Variants in AADAT observed in about 807,000 individuals in gnomAD.
AADAT encodes kynurenine/alpha-aminoadipate aminotransferase, mitochondrial.
Under a neutral mutation model 56.2 loss-of-function variants are expected in AADAT, and 25 were observed. The ratio of observed to expected loss-of-function variants is 0.44; its 90% CI spans 0.32 to 0.62. The LOEUF is 0.62. AADAT is among the 20% of genes least tolerant of loss of function. The pLI, the probability that AADAT is intolerant of heterozygous loss-of-function variation, is 0.04. For missense variants in AADAT, 387 were observed against 510.5 expected, an observed-to-expected ratio of 0.76 and a Z score of 2.33; for synonymous variants, 173 against 164.7, an observed-to-expected ratio of 1.05 and a Z score of -0.39.
rs965144246 is a variant in AADAT at position 170,089,384 on chromosome 4, C to T, written c.67+240G>A. The T allele has an allele frequency of 2.3e-5, 14 of 596,046 alleles. No homozygotes were observed. The African/African-American group carries it at 2.4e-4, about 10-fold the overall frequency. The allele number at this position is 596,046 out of a possible 1,614,324, so 36.9% of individuals were successfully genotyped here. A position where few individuals can be genotyped will look rare whatever the true frequency, so the allele number is the denominator to read the frequency against. On this transcript the variant is annotated intron_variant, in intron 1 of 12. Transcript: ENST00000337664. ...GGCCGTGCCCCACAGCAGTCTGCGC[C>T]TCTCTCTACTGTTGCTCCTACTCTG...
chr4:170,089,516 AG>A lies in AADAT; in HGVS notation c.67+107del, dbSNP rs1732731834. 1.8e-5 allele frequency: 22 copies of A among 1,205,134 alleles called. No individual in the cohort carries two copies. The East Asian group carries it at 5.2e-4, about 28-fold the overall frequency. 74.7% of individuals were successfully genotyped at this position (1,205,134 alleles called of 1,614,324 possible). A position where few individuals can be genotyped will look rare whatever the true frequency, so the allele number is the denominator to read the frequency against. On this transcript the variant is annotated intron_variant, in intron 1 of 12. Coordinates refer to ENST00000337664, the MANE Select transcript of AADAT (RefSeq NM_016228.4). ...AGCCTGGCTCACCGCGAGCGTGCAC[AG>A]GGGTACGCATGGATGCAACCAAGCG... is the stretch of plus-strand genomic sequence containing the variant.
In AADAT at chr4:170,088,309, T is replaced by C. The variant is rs979325314; in HGVS notation, c.236+87A>G. 1.4e-5 allele frequency: 19 copies of C among 1,352,464 alleles called. 1 individual carries two copies. In the South Asian group the frequency reaches 2.3e-4, roughly 16 times the overall value. 83.8% of individuals were successfully genotyped at this position (1,352,464 alleles called of 1,614,324 possible). A position where few individuals can be genotyped will look rare whatever the true frequency, so the allele number is the denominator to read the frequency against. On this transcript the variant is annotated intron_variant, in intron 2 of 12. Transcript: ENST00000337664. The stretch of plus-strand genomic sequence containing the variant: ...GAATATTTATGAATGGACCTTAGAA[T>C]ATTTCTTTAATATTCTTTATCAATG...
intron 6 of AADAT, among the ~76,000 whole-genome samples, chr4:170,069,703 A>G (rs1353012512): frequency 2.6e-5 from 4 of 152,186 alleles, no homozygotes; most frequent in African/African-American, 9.6e-5. Context: ...TCAACATGAA[A>G]GACTGACTTC....
chr4:170,087,865 G>A (rs953489784), intron 2 of AADAT, among the ~76,000 whole-genome samples: 1 of 151,806 alleles, frequency 6.6e-6, no homozygotes, highest in Admixed American at 6.6e-5. Context: ...TGAGGGCAAT[G>A]TATTTGAATG....
chr4:170,064,867 C>A (rs1169639646), intron 10 of AADAT, 42 bp from the exon 11 acceptor site: 1 of 1,552,668 alleles, frequency 6.4e-7, no homozygotes, highest in South Asian at 1.2e-5. Context: ...CAAAGGAAGG[C>A]ATTTTTGATG....
At chr4:170,078,486 CT>C (rs1732145205) in intron 4 of AADAT, 22 bp downstream of exon 4, 1 of 1,498,154 alleles carries the variant, frequency 6.7e-7, no homozygotes, top group African/African-American at 1.4e-5. Context: ...AGAGAGTTGC[CT>C]TTAGTAAAAA....
chr4:170,088,101 T>G (rs574394885), intron 2 of AADAT, among the ~76,000 whole-genome samples: 1 of 151,910 alleles, frequency 6.6e-6, no homozygotes, highest in South Asian at 2.1e-4. Context: ...TCTAGAAGCC[T>G]TCTTGGTCAT....
intron 3 of AADAT, among the ~76,000 whole-genome samples, chr4:170,080,881 CAA>C (rs1270854137): frequency 1.3e-5 from 2 of 151,988 alleles, no homozygotes; most frequent in African/African-American, 4.8e-5. Context: ...TCCTTTAATG[CAA>C]AAAACTGATG....
intron 1 of AADAT, among the ~76,000 whole-genome samples, chr4:170,089,064 G>T (rs570276005): frequency 6.6e-6 from 1 of 152,180 alleles, no homozygotes; most frequent in Non-Finnish European, 1.5e-5. Context: ...AATGGACTAA[G>T]ACAAAAGCTA....
Position 170,089,414 on chromosome 4 carries a change from A to T in AADAT, c.67+210T>A, listed in dbSNP as rs1732728342. On this transcript the variant is annotated intron_variant, in intron 1 of 12. Coordinates refer to ENST00000337664, the MANE Select transcript of AADAT (RefSeq NM_016228.4). ...TCTACTGTTGCTCCTACTCTGCTCC[A>T]GCAGAAATACCCGCCTTCCGTTTCA... 8.1e-6 allele frequency: 5 copies of T among 616,958 alleles called. No homozygotes were observed. In the East Asian group the frequency reaches 1.4e-4, roughly 17 times the overall value. 38.2% of individuals were successfully genotyped at this position (616,958 alleles called of 1,614,324 possible). A position where few individuals can be genotyped will look rare whatever the true frequency, so the allele number is the denominator to read the frequency against.
At chr4:170,092,461 C>G (rs937418348), upstream of AADAT, among the ~76,000 whole-genome samples, 1 of 152,212 alleles carries the variant, frequency 6.6e-6, no homozygotes, top group African/African-American at 2.4e-5. Context: ...CCCAACACAT[C>G]CGAACCTCAG....
chr4:170,089,667 C>A lies in AADAT; in HGVS notation c.24G>T (p.Thr8=). MNYARFI[T]AASAARNPSP... ...AAGGGTTTCTGGCTGCGCTCGCTGCCGTGATGAACCGTGCGTAATTCATGT... is the reference window on the plus strand; with the variant it reads ...AAGGGTTTCTGGCTGCGCTCGCTGCAGTGATGAACCGTGCGTAATTCATGT... The change falls in exon 1 of 13, where the codon ACG becomes ACT. Residue 8 remains threonine, a synonymous_variant. Coordinates refer to ENST00000337664, the MANE Select transcript of AADAT (RefSeq NM_016228.4). The A allele has an allele frequency of 6.2e-7, 1 of 1,614,134 alleles. No individual in the cohort carries two copies. The highest frequency in any genetic ancestry group is 1.1e-5 in the South Asian group (1 of 91,086).
At chr4:170,091,443 G>A (rs533943528), upstream of AADAT, among the ~76,000 whole-genome samples, 3 of 152,292 alleles carry the variant, frequency 2.0e-5, no homozygotes, top group East Asian at 3.9e-4. Flanking sequence ...TCGAATTCTC[G>A]CCAGGCCTCA....
chr4:170,079,191 C>T (rs746756756), intron 3 of AADAT, among the ~76,000 whole-genome samples: 30 of 152,152 alleles, frequency 2.0e-4, no homozygotes, highest in Non-Finnish European at 3.4e-4. Context: ...AAGACCTAGG[C>T]ATTCAGGGAA....
Position 170,071,000 on chromosome 4 carries a change from C to T in AADAT, c.655-348G>A, listed in dbSNP as rs568686430. 4.6e-5 allele frequency among the ~76,000 whole-genome samples: 7 copies of T among 152,316 alleles called. No homozygotes were observed. The East Asian group carries it at 1.4e-3, about 29-fold the overall frequency. On this transcript the variant is annotated intron_variant, in intron 5 of 12. Coordinates refer to ENST00000337664, the MANE Select transcript of AADAT (RefSeq NM_016228.4). ...CGATCTTGGCTCACTGCAACCTCTGCCTCCTGGGCTCAAGTGATTCTCCTG... is the reference window on the plus strand; with the variant it reads ...CGATCTTGGCTCACTGCAACCTCTGTCTCCTGGGCTCAAGTGATTCTCCTG...
chr4:170,072,898 GT>G (rs1731843511), intron 5 of AADAT, among the ~76,000 whole-genome samples: 1 of 152,060 alleles, frequency 6.6e-6, no homozygotes, highest in Non-Finnish European at 1.5e-5. Context: ...CAAGAATGCT[GT>G]TTCTTTTATA....
intron 10 of AADAT, among the ~76,000 whole-genome samples, chr4:170,065,518 T>C (rs1731414385): frequency 6.6e-6 from 1 of 152,102 alleles, no homozygotes; most frequent in Non-Finnish European, 1.5e-5. Flanking sequence ...TGTTTTTTTT[T>C]TTTTGGATGG....
In AADAT at chr4:170,081,285, CAAAGAGT is replaced by C. The variant is rs148860998; in HGVS notation, c.370-2709_370-2703del. 1.4e-3 allele frequency among the ~76,000 whole-genome samples: 208 copies of C among 152,078 alleles called. 1 individual carries two copies. Among genetic ancestry groups the C allele is most frequent in the Non-Finnish European group, 2.6e-3 (180 of 67,980 alleles). ...CAGTCGGGGAAAAAAGAAAAAAGAA[CAAAGAGT>C]GCCTACGAAATACAGAAAATTACCC... On this transcript the variant is annotated intron_variant, in intron 3 of 12. Transcript: ENST00000337664.
At chr4:170,090,831 T>A (rs1162569401), upstream of AADAT, among the ~76,000 whole-genome samples, 1 of 152,204 alleles carries the variant, frequency 6.6e-6, no homozygotes, top group African/African-American at 2.4e-5. Flanking sequence ...AAAAATTCTT[T>A]AATGGTTATT....
Sources: gnomAD v4.1 joint callset for allele counts (sites outside exome capture counted in the v4.1 genomes callset) on GRCh38, gnomAD v4.1.1 for gene constraint, MANE v1.5 for transcripts, NCBI Gene and HGNC (gene_info 2026-07-23, HGNC 2026-07-21) for gene names.